LRMDA: variants seen among roughly 807,000 people sequenced by gnomAD.
LRMDA encodes leucine rich melanocyte differentiation associated, also known as leucine-rich melanocyte differentiation-associated protein.
In LRMDA, 18 loss-of-function variants were observed where a neutral mutation model predicts 29.8. The ratio of observed to expected loss-of-function variants is 0.60; its 90% CI spans 0.42 to 0.90. LRMDA has a LOEUF of 0.90. Ranked by LOEUF, LRMDA falls within the 40% of genes least tolerant of loss-of-function variation. The probability of loss-of-function intolerance (pLI) is 0.00; values close to 1 mark genes in which losing one functional copy is unlikely to be tolerated. For missense variants in LRMDA, 273 were observed against 273.9 expected (o/e 1.00, Z 0.02); for synonymous variants, 125 against 109.4 (o/e 1.14, Z -0.89).
chr10:76,144,890 T>A (rs1589348299), intron 5 of LRMDA, among the ~76,000 whole-genome samples: 3 of 152,176 alleles, frequency 2.0e-5, no homozygotes, highest in East Asian at 3.9e-4. Context: ...TTATTGAGAG[T>A]TTTTAGCATG....
chr10:75,838,164 C>A (rs1844474793), intron 2 of LRMDA, among the ~76,000 whole-genome samples: 1 of 152,056 alleles, frequency 6.6e-6, no homozygotes, highest in Non-Finnish European at 1.5e-5. Flanking sequence ...AGCCAGAAAC[C>A]ATTGTGATTA....
At chr10:76,204,407 T>G (rs1851497255) in intron 5 of LRMDA, among the ~76,000 whole-genome samples, 1 of 152,182 alleles carries the variant, frequency 6.6e-6, no homozygotes, top group Non-Finnish European at 1.5e-5. Context: ...TCCACTCATC[T>G]CTCCATGTGC....
At chr10:76,479,559 C>T (rs1024854694) in intron 6 of LRMDA, among the ~76,000 whole-genome samples, 6 of 151,804 alleles carry the variant, frequency 4.0e-5, no homozygotes, top group African/African-American at 1.5e-4. Context: ...GAGCACAGGG[C>T]AGCCCTGTGC....
chr10:75,603,591 A>G (rs967810863), intron 2 of LRMDA, among the ~76,000 whole-genome samples: 1 of 152,316 alleles, frequency 6.6e-6, no homozygotes, highest in African/African-American at 2.4e-5. Context: ...AAGGAGAAAG[A>G]TGTGAGAATC....
chr10:76,360,826 T>G (rs113407451), intron 6 of LRMDA, among the ~76,000 whole-genome samples: 111 of 152,318 alleles, frequency 7.3e-4, no homozygotes, highest in African/African-American at 2.4e-3. Flanking sequence ...CATTTCTGAT[T>G]CTGGGTACTC....
At position 75,572,739 on chromosome 10, in the gene LRMDA, TG is replaced by T. The variant is rs575375875; in HGVS notation, c.131+134247del. On this transcript the variant is annotated intron_variant, in intron 2 of 6. Coordinates refer to ENST00000611255, the MANE Select transcript of LRMDA (RefSeq NM_001305581.2). ...TTGAAGATACTATTCTGTTATGAAC[TG>T]GATTGTTTCTTCCTAAAATTTATAT... is the stretch of plus-strand genomic sequence containing the variant. 4.9e-3 allele frequency among the ~76,000 whole-genome samples: 752 copies of T among 152,356 alleles called. 3 individuals are homozygous for T. Among genetic ancestry groups the T allele is most frequent in the Middle Eastern group, 0.024 (7 of 294 alleles).
At chr10:75,842,266 C>G (rs954977270) in intron 2 of LRMDA, among the ~76,000 whole-genome samples, 1 of 152,146 alleles carries the variant, frequency 6.6e-6, no homozygotes, top group African/African-American at 2.4e-5. Flanking sequence ...CTGTGCTTCT[C>G]ATTAGTAAGC....
intron 2 of LRMDA, among the ~76,000 whole-genome samples, chr10:76,002,022 G>A (rs1175471040): frequency 6.6e-6 from 1 of 152,102 alleles, no homozygotes; most frequent in African/African-American, 2.4e-5. Flanking sequence ...AAAAAATACT[G>A]CAGACCAGGT....
chr10:76,240,861 C>G (rs201109195), intron 5 of LRMDA, among the ~76,000 whole-genome samples: 1 of 122,364 alleles, frequency 8.2e-6, no homozygotes. Flanking sequence ...TATATATATA[C>G]ATATATATAT....
chr10:76,211,792 G>A (rs1589378084), intron 5 of LRMDA, among the ~76,000 whole-genome samples: 1 of 152,184 alleles, frequency 6.6e-6, no homozygotes, highest in African/African-American at 2.4e-5. Flanking sequence ...GGTGAGAACT[G>A]GCTCTGTGAC....
intron 2 of LRMDA, among the ~76,000 whole-genome samples, chr10:75,761,336 T>C (rs963721283): frequency 2.0e-5 from 3 of 152,254 alleles, no homozygotes; most frequent in Non-Finnish European, 4.4e-5. Context: ...ATTTACAATG[T>C]AATATTATCC....
intron 2 of LRMDA, among the ~76,000 whole-genome samples, chr10:75,949,915 C>A (rs1192743142): frequency 6.6e-6 from 1 of 152,214 alleles, no homozygotes; most frequent in East Asian, 1.9e-4. Flanking sequence ...CCAAGGCTGC[C>A]ATGTGCTAGT....
intron 2 of LRMDA, among the ~76,000 whole-genome samples, chr10:75,607,913 A>G (rs574001932): frequency 6.9e-6 from 1 of 145,376 alleles, no homozygotes; most frequent in Non-Finnish European, 1.5e-5. Flanking sequence ...TCCAAACATG[A>G]AGTGGTTGCC....
chr10:75,861,779 C>T (rs1381115986), intron 2 of LRMDA, among the ~76,000 whole-genome samples: 1 of 152,150 alleles, frequency 6.6e-6, no homozygotes, highest in African/African-American at 2.4e-5. Context: ...CCTTTTATAT[C>T]TAGTTCCCTT....
intron 4 of LRMDA, among the ~76,000 whole-genome samples, chr10:76,047,692 G>C (rs1460815157): frequency 6.6e-6 from 1 of 152,222 alleles, no homozygotes; most frequent in Non-Finnish European, 1.5e-5. Context: ...TGGCAGGCCA[G>C]ATTTCACCCA....
At chr10:75,959,018 C>T (rs537325161) in intron 2 of LRMDA, among the ~76,000 whole-genome samples, 3 of 152,262 alleles carry the variant, frequency 2.0e-5, no homozygotes, top group African/African-American at 7.2e-5. Flanking sequence ...CCGGGTCTCT[C>T]CCACAACACA....
intron 6 of LRMDA, among the ~76,000 whole-genome samples, chr10:76,348,502 C>G (rs1424477838): frequency 6.6e-6 from 1 of 152,196 alleles, no homozygotes. Context: ...ATGAGTTGTT[C>G]TGGTAACACC....
intron 2 of LRMDA, among the ~76,000 whole-genome samples, chr10:75,677,650 T>C (rs1197604294): frequency 6.6e-6 from 1 of 152,146 alleles, no homozygotes; most frequent in Admixed American, 6.5e-5. Context: ...GTTGTTCTTA[T>C]TTCTTGTTTT....
At position 75,793,690 on chromosome 10, in the gene LRMDA, C is replaced by G. The variant is rs548335223; in HGVS notation, c.132-242318C>G. ...TATCACTGAGTTGTTGCTGAAAGAT[C>G]TTTCAGAGCTTGCTCTTTTCCCTCT... is the stretch of plus-strand genomic sequence containing the variant. On this transcript the variant is annotated intron_variant, in intron 2 of 6. Transcript: ENST00000611255. 2.6e-5 allele frequency among the ~76,000 whole-genome samples: 4 copies of G among 152,272 alleles called. No homozygotes were observed. The East Asian group carries it at 5.8e-4, about 22-fold the overall frequency.
Sources: allele counts gnomAD v4.1 joint callset (sites outside exome capture counted in the v4.1 genomes callset), GRCh38; gene constraint gnomAD v4.1.1; transcripts MANE v1.5; gene names NCBI Gene and HGNC (gene_info 2026-07-23, HGNC 2026-07-21).